ENPP2: variants seen among roughly 807,000 people sequenced by gnomAD.
The protein encoded by ENPP2 is ectonucleotide pyrophosphatase/phosphodiesterase 2.
Under a neutral mutation model 120.2 loss-of-function variants are expected in ENPP2, and 51 were observed. The observed-to-expected ratio is 0.42, with a 90% CI of 0.34 to 0.54. The LOEUF is 0.54. ENPP2 is among the 20% of genes least tolerant of loss of function. ENPP2 has a pLI of 0.04. For missense variants in ENPP2, 920 were observed against 1,066.5 expected, an observed-to-expected ratio of 0.86 and a Z score of 1.91; for synonymous variants, 365 against 366.4, an observed-to-expected ratio of 1.00 and a Z score of 0.04.
At chr8:119,580,087 T>C (rs755702717) in intron 19 of ENPP2, 29 bp downstream of exon 19, 8 of 1,564,514 alleles carry the variant, frequency 5.1e-6, no homozygotes, top group East Asian at 2.2e-5. Context: ...AGAAAAACCT[T>C]ATCTGATTAT....
intron 24 of ENPP2, among the ~76,000 whole-genome samples, chr8:119,562,524 C>A (rs1297065668): frequency 6.6e-6 from 1 of 152,182 alleles, no homozygotes. Context: ...CAAGCTTCAA[C>A]AATTATCAAA....
intron 19 of ENPP2, 41 bp downstream of exon 19, chr8:119,580,075 C>T (rs756711624): frequency 6.8e-5 from 101 of 1,482,096 alleles, no homozygotes; most frequent in Middle Eastern, 1.7e-4. Flanking sequence ...TTTTCGAAAA[C>T]GAGAAAAACC....
At chr8:119,589,150 G>A (rs1813325698) in intron 13 of ENPP2, among the ~76,000 whole-genome samples, 1 of 152,142 alleles carries the variant, frequency 6.6e-6, no homozygotes, top group African/African-American at 2.4e-5. Flanking sequence ...ATATAGCTTT[G>A]ACTATGTGCT....
At chr8:119,563,365 A>G (rs1814129267) in intron 23 of ENPP2, among the ~76,000 whole-genome samples, 1 of 152,150 alleles carries the variant, frequency 6.6e-6, no homozygotes, top group Non-Finnish European at 1.5e-5. Flanking sequence ...GTGCCAGGAT[A>G]TGGACTGGGG....
In ENPP2 at chr8:119,631,496, G is replaced by A. The variant is rs150978564; in HGVS notation, c.137-4776C>T. Among the ~76,000 whole-genome samples, 152 of 152,154 alleles carry A rather than the reference G, an allele frequency of 1.0e-3. No homozygotes were observed. In the East Asian group the frequency reaches 0.023, roughly 23 times the overall value. On this transcript the variant is annotated intron_variant, in intron 2 of 24. Coordinates refer to ENST00000075322, the MANE Select transcript of ENPP2 (RefSeq NM_001040092.3). The stretch of plus-strand genomic sequence containing the variant: ...CTTCCAAAGTGCTGGGATTACAGGC[G>A]TGAGCCACCACGCCCAGTCTATCTC...
At chr8:119,640,820 C>T (rs1817263443), upstream of ENPP2, among the ~76,000 whole-genome samples, 1 of 152,180 alleles carries the variant, frequency 6.6e-6, no homozygotes, top group Admixed American at 6.5e-5. Flanking sequence ...TCGATCTCGG[C>T]TCACTGCAGC....
At chr8:119,661,052 A>C (rs911782908) in intron 1 of ENPP2, among the ~76,000 whole-genome samples, 1 of 152,174 alleles carries the variant, frequency 6.6e-6, no homozygotes, top group Non-Finnish European at 1.5e-5. Flanking sequence ...CATCCTCAGC[A>C]AACTAACACA....
At chr8:119,647,027 T>C (rs1337533310) in intron 1 of ENPP2, among the ~76,000 whole-genome samples, 4 of 151,714 alleles carry the variant, frequency 2.6e-5, no homozygotes, top group Admixed American at 1.3e-4. Flanking sequence ...AGACAGAGTT[T>C]GGCTCTGTCG....
chr8:119,583,887 C>T (rs1812923779), intron 16 of ENPP2, 75 bp downstream of exon 16: 1 of 1,359,992 alleles, frequency 7.4e-7, no homozygotes, highest in South Asian at 1.2e-5. Flanking sequence ...TGTACAACTT[C>T]ACTCACACCA....
intron 8 of ENPP2, among the ~76,000 whole-genome samples, chr8:119,612,477 C>T (rs780681407): frequency 2.0e-5 from 3 of 152,184 alleles, no homozygotes; most frequent in Non-Finnish European, 4.4e-5. Flanking sequence ...CTGTCTTAAA[C>T]ACACATTTCT....
intron 13 of ENPP2, among the ~76,000 whole-genome samples, chr8:119,588,740 C>T (rs1813294286): frequency 6.6e-6 from 1 of 152,166 alleles, no homozygotes; most frequent in South Asian, 2.1e-4. Flanking sequence ...AAAGTAAGTT[C>T]ATGGTCTTTG....
Position 119,564,788 on chromosome 8 carries a change from A to G in ENPP2, c.2264+35T>C, listed in dbSNP as rs758965368. On this transcript the variant is annotated intron_variant, in intron 23 of 24. Coordinates refer to ENST00000075322, the MANE Select transcript of ENPP2 (RefSeq NM_001040092.3). The stretch of plus-strand genomic sequence containing the variant: ...CTTCTTGAGTGAGATCTTGGGACTT[A>G]AAAATCACACACTGAGTAGAAATGA... 2.5e-6 allele frequency: 4 copies of G among 1,591,988 alleles called. No homozygotes were observed. The South Asian group carries it at 4.5e-5, about 18-fold the overall frequency.
intron 4 of ENPP2, 75 bp from the exon 5 acceptor site, chr8:119,619,379 A>G (rs1459826456): frequency 1.0e-6 from 1 of 999,930 alleles, no homozygotes; most frequent in Non-Finnish European, 1.6e-6. Flanking sequence ...CAATTCCAGG[A>G]TCTGTGTCCT....
chr8:119,636,928 T>C (rs1244331381), intron 2 of ENPP2, among the ~76,000 whole-genome samples: 1 of 152,154 alleles, frequency 6.6e-6, no homozygotes, highest in Non-Finnish European at 1.5e-5. Context: ...AGGATTTTAA[T>C]GACTGTTTTC....
At chr8:119,612,275 C>T (rs1321755631) in intron 8 of ENPP2, among the ~76,000 whole-genome samples, 6 of 151,822 alleles carry the variant, frequency 4.0e-5, no homozygotes, top group South Asian at 2.1e-4. Context: ...TGCAGGTCTG[C>T]GGTAGTATAT....
rs376520167 is a variant in ENPP2 at position 119,603,885 on chromosome 8, G to T, written c.834-2423C>A. 1.2e-4 allele frequency among the ~76,000 whole-genome samples: 18 copies of T among 152,208 alleles called. 1 individual carries two copies. Among genetic ancestry groups the T allele is most frequent in the African/African-American group, 4.3e-4 (18 of 41,540 alleles). On this transcript the variant is annotated intron_variant, in intron 9 of 24. Transcript: ENST00000075322. Reference sequence around the variant, plus strand: ...CAAGTGATAATTCTTTTCTGGGCAGGGGCTGATTGTGTTTGTGTTGAGAAT... The same window carrying T: ...CAAGTGATAATTCTTTTCTGGGCAGTGGCTGATTGTGTTTGTGTTGAGAAT...
chr8:119,649,237 C>CA (rs34542482), intron 1 of ENPP2, among the ~76,000 whole-genome samples: 24,699 of 109,962 alleles, frequency 0.22, 2,579 homozygotes, highest in African/African-American at 0.34. Context: ...ACTAAAAATA[C>CA]AAAAAAAAAA....
intron 1 of ENPP2, among the ~76,000 whole-genome samples, chr8:119,664,372 GTCTC>G (rs1221460392): frequency 6.6e-6 from 1 of 152,114 alleles, no homozygotes; most frequent in African/African-American, 2.4e-5. Flanking sequence ...AACCTCTGTT[GTCTC>G]TCTCTAAAAC....
At chr8:119,618,257 T>C in intron 5 of ENPP2, 2 of 495,360 alleles carry the variant, frequency 4.0e-6, no homozygotes, top group Admixed American at 4.1e-5. Context: ...GATGTGCTTC[T>C]TGGGATTCTC....
Sources: allele counts gnomAD v4.1 joint callset (sites outside exome capture counted in the v4.1 genomes callset), GRCh38; gene constraint gnomAD v4.1.1; transcripts MANE v1.5; gene names NCBI Gene and HGNC (gene_info 2026-07-23, HGNC 2026-07-21).